The following SLCO6A1 variants were observed in gnomAD, a reference collection of about 807,000 sequenced individuals.
SLCO6A1 encodes the protein cancer/testis antigen 48.
SLCO6A1 carries 65 observed loss-of-function variants against 72.7 expected under a neutral mutation model. The observed-to-expected ratio is 0.89, with a 90% confidence interval of 0.73 to 1.10. SLCO6A1 has a LOEUF of 1.10. Ranked by LOEUF, SLCO6A1 falls within the 50% of genes least tolerant of loss-of-function variation. SLCO6A1 has a pLI of 0.00. For missense variants in SLCO6A1, 874 were observed against 872.6 expected (o/e 1.00, Z -0.02); for synonymous variants, 314 against 298.2 (o/e 1.05, Z -0.55).
chr5:102,432,444 C>T (rs1749272594), intron 7 of SLCO6A1, among the ~76,000 whole-genome samples: 1 of 152,028 alleles, frequency 6.6e-6, no homozygotes, highest in African/African-American at 2.4e-5. Flanking sequence ...TAAAAAATTC[C>T]CTCATAATTT....
chr5:102,402,381 TAAC>T (rs2112557589), intron 9 of SLCO6A1, among the ~76,000 whole-genome samples: 1 of 152,220 alleles, frequency 6.6e-6, no homozygotes, highest in South Asian at 2.1e-4. Flanking sequence ...AAAATGACTG[TAAC>T]AAAAAGGATA....
At chr5:102,420,295 C>A (rs896787021) in intron 7 of SLCO6A1, among the ~76,000 whole-genome samples, 1 of 152,064 alleles carries the variant, frequency 6.6e-6, no homozygotes, top group South Asian at 2.1e-4. Flanking sequence ...AAGGACAAAC[C>A]GGGAACTTAG....
chr5:102,411,930 A>T (rs1223446716), intron 9 of SLCO6A1, among the ~76,000 whole-genome samples: 1 of 152,112 alleles, frequency 6.6e-6, no homozygotes, highest in Non-Finnish European at 1.5e-5. Flanking sequence ...CTGAGAGTCA[A>T]CCACCTTTTA....
At chr5:102,466,443 C>A (rs1052748813) in intron 4 of SLCO6A1, among the ~76,000 whole-genome samples, 1 of 151,966 alleles carries the variant, frequency 6.6e-6, no homozygotes, top group Non-Finnish European at 1.5e-5. Flanking sequence ...GCATTTAGAT[C>A]AATTCCATGT....
intron 6 of SLCO6A1, among the ~76,000 whole-genome samples, chr5:102,452,947 T>C (rs1750503392): frequency 6.6e-6 from 1 of 152,194 alleles, no homozygotes. Context: ...GCATGAACCA[T>C]GAGGGATAGA....
intron 3 of SLCO6A1, 73 bp downstream of exon 3, chr5:102,477,603 A>T (rs1408795662): frequency 8.0e-7 from 1 of 1,249,972 alleles, no homozygotes; most frequent in Non-Finnish European, 1.1e-6. Context: ...CTTCTATATC[A>T]GCTTAGATAT....
chr5:102,472,770 AC>A (rs1751694692), intron 4 of SLCO6A1, among the ~76,000 whole-genome samples: 1 of 152,046 alleles, frequency 6.6e-6, no homozygotes, highest in Non-Finnish European at 1.5e-5. Flanking sequence ...GACTCAAATA[AC>A]AAAAATCAGA....
chr5:102,456,394 C>T (rs1750718290), intron 6 of SLCO6A1, among the ~76,000 whole-genome samples: 1 of 152,132 alleles, frequency 6.6e-6, no homozygotes, highest in African/African-American at 2.4e-5. Context: ...AGCTGATAAG[C>T]AACTTCAGCA....
intron 6 of SLCO6A1, among the ~76,000 whole-genome samples, chr5:102,456,355 C>T (rs897654515): frequency 6.6e-6 from 1 of 152,136 alleles, no homozygotes. Flanking sequence ...ATCTAGAAAA[C>T]CCCATTGTCT....
At chr5:102,380,104 C>T (rs1268911112) in intron 12 of SLCO6A1, among the ~76,000 whole-genome samples, 1 of 151,872 alleles carries the variant, frequency 6.6e-6, no homozygotes, top group African/African-American at 2.4e-5. Flanking sequence ...AATTCTAATA[C>T]ATTGTGTTCC....
chr5:102,492,627 C>T (rs765143356), intron 1 of SLCO6A1, among the ~76,000 whole-genome samples: 3 of 152,116 alleles, frequency 2.0e-5, no homozygotes, highest in Non-Finnish European at 4.4e-5. Flanking sequence ...CAGAGAATTC[C>T]CTTTCCTAGC....
At chr5:102,379,408 T>C (rs1332460976) in intron 12 of SLCO6A1, among the ~76,000 whole-genome samples, 1 of 152,186 alleles carries the variant, frequency 6.6e-6, no homozygotes, top group Admixed American at 6.5e-5. Context: ...TTATCTTTCA[T>C]ATTTAGATAT....
At chr5:102,378,550 G>A (rs1254574526) in intron 12 of SLCO6A1, among the ~76,000 whole-genome samples, 1 of 152,072 alleles carries the variant, frequency 6.6e-6, no homozygotes, top group Non-Finnish European at 1.5e-5. Context: ...ACTGATAAAA[G>A]TTAGTTTTGT....
At chr5:102,424,437 G>T (rs143012821) in intron 7 of SLCO6A1, among the ~76,000 whole-genome samples, 74 of 151,896 alleles carry the variant, frequency 4.9e-4, no homozygotes, top group African/African-American at 1.6e-3. Context: ...TAATAAAAGG[G>T]TGTCACCACT....
chr5:102,436,786 T>C (rs888928615), intron 7 of SLCO6A1, among the ~76,000 whole-genome samples: 1 of 152,148 alleles, frequency 6.6e-6, no homozygotes, highest in African/African-American at 2.4e-5. Flanking sequence ...AACTACTAGC[T>C]TACACTGCCA....
intron 6 of SLCO6A1, among the ~76,000 whole-genome samples, chr5:102,453,591 C>T (rs1056112210): frequency 2.6e-5 from 4 of 152,108 alleles, no homozygotes; most frequent in Non-Finnish European, 2.9e-5. Flanking sequence ...CTGACTTCCC[C>T]ACCCTCAGGA....
At position 102,388,758 on chromosome 5, in the gene SLCO6A1, A is replaced by G. The variant is rs1746566230; in HGVS notation, c.1947T>C (p.Asn649=). 1 of 1,608,800 alleles carries G rather than the reference A, an allele frequency of 6.2e-7. No individual in the cohort carries two copies. The highest frequency in any genetic ancestry group is 8.5e-7 in the Non-Finnish European group (1 of 1,178,222). The change falls in exon 12 of 14, where the codon AAT becomes AAC. Residue 649 remains asparagine, a synonymous_variant. Coordinates refer to ENST00000506729, the MANE Select transcript of SLCO6A1 (RefSeq NM_173488.5). ...GETSCILRDV[N]KCGHTGRCWI... Reference sequence around the variant, plus strand: ...AACAACGTCCTGTGTGTCCACATTTATTAACATCCCGTAAAATACAAGAAG... The same window carrying G: ...AACAACGTCCTGTGTGTCCACATTTGTTAACATCCCGTAAAATACAAGAAG...
chr5:102,450,261 T>C (rs1750344248), intron 6 of SLCO6A1, among the ~76,000 whole-genome samples: 1 of 152,226 alleles, frequency 6.6e-6, no homozygotes, highest in Non-Finnish European at 1.5e-5. Flanking sequence ...GTGGGCTATG[T>C]TCCTTTAACC....
rs970831282 is a variant in SLCO6A1 at position 102,498,380 on chromosome 5, G to A, written c.358+107C>T. 7.4e-6 allele frequency: 8 copies of A among 1,075,908 alleles called. No individual in the cohort carries two copies. In the African/African-American group the frequency reaches 1.1e-4, roughly 15 times the overall value. 66.6% of individuals were successfully genotyped at this position (1,075,908 alleles called of 1,614,324 possible). A position where few individuals can be genotyped will look rare whatever the true frequency, so the allele number is the denominator to read the frequency against. ...GCAGCCTCAGGCTGGGCCACCCCAGGGCATGCTGGGCCACCCCAGGGCGTC... is the reference window on the plus strand; with the variant it reads ...GCAGCCTCAGGCTGGGCCACCCCAGAGCATGCTGGGCCACCCCAGGGCGTC... On this transcript the variant is annotated intron_variant, in intron 1 of 13. Transcript: ENST00000506729.
Sources: gnomAD v4.1 joint callset for allele counts (sites outside exome capture counted in the v4.1 genomes callset) on GRCh38, gnomAD v4.1.1 for gene constraint, MANE v1.5 for transcripts, NCBI Gene and HGNC (gene_info 2026-07-23, HGNC 2026-07-21) for gene names.